The following DGLUCY variants were observed in gnomAD, a reference collection of about 807,000 sequenced individuals.
DGLUCY encodes the protein D-glutamate cyclase.
In DGLUCY, 58 loss-of-function variants were observed where a neutral mutation model predicts 58.5. That is an observed-to-expected ratio of 0.99 (90% CI 0.80 to 1.23). The LOEUF is 1.23. Among genes scored for constraint, DGLUCY ranks in the 50% most tolerant of loss-of-function variants. DGLUCY has a pLI of 0.00. For missense variants in DGLUCY, 779 were observed against 784.7 expected (o/e 0.99, Z 0.09); for synonymous variants, 325 against 314.1 (o/e 1.03, Z -0.37).
chr14:91,198,857 G>A (rs182441054), intron 10 of DGLUCY, among the ~76,000 whole-genome samples: 45 of 152,176 alleles, frequency 3.0e-4, no homozygotes, highest in African/African-American at 7.7e-4. Context: ...TGAAGGTTAG[G>A]GAGGTTAAGC....
chr14:91,087,893 C>T (rs1218231218), intron 1 of DGLUCY, among the ~76,000 whole-genome samples: 1 of 152,142 alleles, frequency 6.6e-6, no homozygotes, highest in Non-Finnish European at 1.5e-5. Flanking sequence ...ATTTCTTTAC[C>T]GCACCAGGGA....
chr14:91,079,364 T>C (rs999153336), intron 1 of DGLUCY, among the ~76,000 whole-genome samples: 5 of 151,712 alleles, frequency 3.3e-5, no homozygotes, highest in South Asian at 2.1e-4. Flanking sequence ...CTTTTCTTTT[T>C]TTTTTTTTTA....
In DGLUCY at chr14:91,215,852, G is replaced by A. The variant is rs532470288; in HGVS notation, c.1716+296G>A. ...TTCATCTGTAAAATGGGGGTGGTCA[G>A]CATTGTTGTTGGAGGAACCGAATGC... On this transcript the variant is annotated intron_variant, in intron 13 of 13. Transcript: ENST00000256324. 36 of 957,340 alleles carry A rather than the reference G, an allele frequency of 3.8e-5. 1 individual carries two copies. In the East Asian group the frequency reaches 1.5e-3, roughly 40 times the overall value. 59.3% of individuals were successfully genotyped at this position (957,340 alleles called of 1,614,324 possible).
At chr14:91,208,473 G>T (rs935620796) in intron 12 of DGLUCY, among the ~76,000 whole-genome samples, 2 of 152,174 alleles carry the variant, frequency 1.3e-5, no homozygotes, top group Non-Finnish European at 2.9e-5. Context: ...GACAGGCCAG[G>T]CACGGTGGCT....
chr14:91,160,527 A>G (rs2047924262), intron 3 of DGLUCY, 130 bp downstream of exon 3: 1 of 667,336 alleles, frequency 1.5e-6, no homozygotes, highest in Non-Finnish European at 2.5e-6. Flanking sequence ...AAGTAAGAGC[A>G]GAATGATATT....
intron 9 of DGLUCY, among the ~76,000 whole-genome samples, chr14:91,193,694 T>C (rs1458850685): frequency 6.6e-6 from 1 of 151,892 alleles, no homozygotes; most frequent in Non-Finnish European, 1.5e-5. Flanking sequence ...ATACAAAAAT[T>C]AGCTGCGTGT....
intron 1 of DGLUCY, among the ~76,000 whole-genome samples, chr14:91,064,393 C>T (rs1040514983): frequency 1.1e-4 from 17 of 151,920 alleles, no homozygotes; most frequent in African/African-American, 2.9e-4. Flanking sequence ...CACTTTGGGA[C>T]GCTGAGATGG....
At chr14:91,162,617 C>T (rs752079054) in intron 3 of DGLUCY, among the ~76,000 whole-genome samples, 1 of 152,172 alleles carries the variant, frequency 6.6e-6, no homozygotes, top group Non-Finnish European at 1.5e-5. Flanking sequence ...AAACAAAGGG[C>T]CGGGCACGGT....
Position 91,127,788 on chromosome 14 carries a change from C to T in DGLUCY, c.-82+13505C>T, listed in dbSNP as rs113701411. The stretch of plus-strand genomic sequence containing the variant: ...GCTCAGCTGAATTACTTGCCCCAGG[C>T]AGAAAGAGAAACTCATGGCTTTCTT... On this transcript the variant is annotated intron_variant, in intron 1 of 13. Coordinates refer to ENST00000256324, the MANE Select transcript of DGLUCY (RefSeq NM_001102368.3). 3.8e-3 allele frequency among the ~76,000 whole-genome samples: 575 copies of T among 152,344 alleles called. 2 individuals carry two copies. Among genetic ancestry groups the T allele is most frequent in the South Asian group, 8.9e-3 (43 of 4,832 alleles).
chr14:91,113,227 G>A (rs1214991013), upstream of DGLUCY, among the ~76,000 whole-genome samples: 3 of 152,184 alleles, frequency 2.0e-5, no homozygotes, highest in African/African-American at 7.2e-5. Flanking sequence ...TCGAACCTGG[G>A]AGGCAGAGGT....
At chr14:91,153,471 C>T (rs1243279754) in intron 1 of DGLUCY, among the ~76,000 whole-genome samples, 1 of 152,208 alleles carries the variant, frequency 6.6e-6, no homozygotes, top group Non-Finnish European at 1.5e-5. Context: ...GCGTGAGGCA[C>T]CGCACCCGGC....
chr14:91,222,265 C>T (rs1182278774), intron 13 of DGLUCY, among the ~76,000 whole-genome samples: 1 of 152,214 alleles, frequency 6.6e-6, no homozygotes, highest in Non-Finnish European at 1.5e-5. Context: ...CTCTTGGAGG[C>T]TGGGTGCCAG....
chr14:91,111,202 ATGTGTGTGTGTGTG>A (rs71120113), upstream of DGLUCY, among the ~76,000 whole-genome samples: 3 of 46,344 alleles, frequency 6.5e-5, no homozygotes, highest in African/African-American at 1.5e-4. Context: ...ATTTATATAT[ATGTGTGTGTGTGTG>A]TGTGTGTGTG....
At chr14:91,123,376 G>A (rs1167050725) in intron 1 of DGLUCY, among the ~76,000 whole-genome samples, 1 of 152,098 alleles carries the variant, frequency 6.6e-6, no homozygotes, top group East Asian at 1.9e-4. Flanking sequence ...ACGCTGCCCT[G>A]GCAGGCCCTG....
intron 1 of DGLUCY, among the ~76,000 whole-genome samples, chr14:91,120,019 G>C (rs893746344): frequency 6.6e-6 from 1 of 152,284 alleles, no homozygotes; most frequent in South Asian, 2.1e-4. Flanking sequence ...TGAGGTTTTG[G>C]GACTTGGATT....
rs1359997983 is a variant in DGLUCY at position 91,199,899 on chromosome 14, T to C, written c.1438T>C (p.Ser480Pro). ...LAAKKIPGISSTGVGDGGNEL... is the reference protein window; with the variant it reads ...LAAKKIPGISPTGVGDGGNEL... ...TGCGAAGAAGATTCCTGGAATCTCA[T>C]CAACTGGTAAGTATGGAGTACTGGG... The change falls in exon 11 of 14, where the codon TCA (serine) becomes CCA (proline). Residue 480 changes from serine to proline, a missense_variant. Coordinates refer to ENST00000256324, the MANE Select transcript of DGLUCY (RefSeq NM_001102368.3). 2 of 1,614,186 alleles carry C rather than the reference T, an allele frequency of 1.2e-6. No homozygotes were observed. The highest frequency in any genetic ancestry group is 2.2e-5 in the East Asian group (1 of 44,884).
chr14:91,101,993 T>G (rs1194580473), intron 1 of DGLUCY, among the ~76,000 whole-genome samples: 1 of 152,060 alleles, frequency 6.6e-6, no homozygotes, highest in African/African-American at 2.4e-5. Context: ...ATGCCTGGCC[T>G]TAGTGTAGAT....
intron 1 of DGLUCY, among the ~76,000 whole-genome samples, chr14:91,108,526 T>TGTGTGTGAGAGAGAGAGA (rs1265665234): frequency 4.4e-4 from 23 of 52,166 alleles, no homozygotes; most frequent in East Asian, 8.8e-4. Context: ...TGTGTGTGTG[T>TGTGTGTGAGAGAGAGAGA]GAGAGAGAGA....
intron 1 of DGLUCY, among the ~76,000 whole-genome samples, chr14:91,091,957 T>C (rs1160120597): frequency 6.6e-6 from 1 of 152,200 alleles, no homozygotes; most frequent in Non-Finnish European, 1.5e-5. Context: ...TGTCCTCTGA[T>C]GTCCTACTCA....
Sources: gnomAD v4.1 joint callset for allele counts (sites outside exome capture counted in the v4.1 genomes callset) on GRCh38, gnomAD v4.1.1 for gene constraint, MANE v1.5 for transcripts, NCBI Gene and HGNC (gene_info 2026-07-23, HGNC 2026-07-21) for gene names.